Variants in ZNF100 observed in about 807,000 individuals in gnomAD.
The protein encoded by ZNF100 is zinc finger protein 100.
In ZNF100, 12 loss-of-function variants were observed where a neutral mutation model predicts 15.8. The observed-to-expected ratio is 0.76, with a 90% CI of 0.49 to 1.23. The LOEUF is 1.23. ZNF100 is among the 50% of genes most tolerant of loss of function. The probability of loss-of-function intolerance (pLI) is 0.00; values close to 1 mark genes in which losing one functional copy is unlikely to be tolerated. For missense variants in ZNF100, 670 were observed against 635.6 expected, an observed-to-expected ratio of 1.05 and a Z score of -0.58; for synonymous variants, 226 against 214.8, an observed-to-expected ratio of 1.05 and a Z score of -0.45.
chr19:21,731,741 TA>T (rs1194245024), intron 4 of ZNF100, among the ~76,000 whole-genome samples: 19 of 152,044 alleles, frequency 1.2e-4, no homozygotes, highest in Non-Finnish European at 2.6e-4. Flanking sequence ...TTATGCAAAA[TA>T]AAATGAGCTA....
Position 21,726,809 on chromosome 19 carries a change from A to G in ZNF100, c.1503T>C (p.Thr501=). Reference sequence around the variant, plus strand: ...CTCCAGTATGAGTTATCTTATGTTTAGTAAGGGTTGAGGATCGGTTAAAAG... The same window carrying G: ...CTCCAGTATGAGTTATCTTATGTTTGGTAAGGGTTGAGGATCGGTTAAAAG... ...GKAFNRSSTL[T]KHKITHTGEK... is the part of the protein sequence containing the mutation. The change falls in exon 5 of 5, where the codon ACT becomes ACC. Residue 501 remains threonine, a synonymous_variant. Coordinates refer to ENST00000358296, the MANE Select transcript of ZNF100 (RefSeq NM_173531.4). 1.2e-6 allele frequency: 2 copies of G among 1,613,830 alleles called. No homozygotes were observed. Among genetic ancestry groups the G allele is most frequent in the Middle Eastern group, 1.7e-4 (1 of 6,058 alleles).
rs2036186049 is a variant in ZNF100, at chr19:21,744,994, T to C, written c.170A>G (p.Gln57Arg). 1 of 1,612,110 alleles carries C rather than the reference T, an allele frequency of 6.2e-7. No homozygotes were observed. The highest frequency in any genetic ancestry group is 1.7e-5 in the Admixed American group (1 of 59,298). The change falls in exon 3 of 5, where the codon CAG (glutamine) becomes CGG (arginine). Residue 57 changes from glutamine (Q) to arginine (R), a missense_variant. Physicochemically the swap from Gln to Arg is conservative, Grantham distance 43. Coordinates refer to ENST00000358296, the MANE Select transcript of ZNF100 (RefSeq NM_173531.4). ...EEWQCLDSAQQGLYRKVMLEN... is the reference protein window; with the variant it reads ...EEWQCLDSAQRGLYRKVMLEN... ...TAACATCACTTTCCTATACAAACCC[T>C]GCTGAGCACTGTCCAGGCATTGCCA...
At chr19:21,744,853 T>C (rs2036182957) in intron 3 of ZNF100, 88 bp downstream of exon 3, 1 of 1,565,810 alleles carries the variant, frequency 6.4e-7, no homozygotes. Context: ...AACTCATTTA[T>C]GCAAAGCATG....
chr19:21,723,380 AAAAC>A lies in ZNF100; in HGVS notation c.*3299_*3302del, dbSNP rs997481400. 1.3e-4 allele frequency: 19 copies of A among 151,818 alleles called. No individual in the cohort carries two copies. The highest frequency in any genetic ancestry group is 7.8e-4 in the East Asian group (4 of 5,150). 9.4% of individuals were successfully genotyped at this position (151,818 alleles called of 1,614,324 possible). On this transcript the variant is annotated 3_prime_UTR_variant, in exon 5 of 5. Transcript: ENST00000358296. Reference sequence around the variant, plus strand: ...TGTCTCAAAAAAAAAAAAAAAAAAAAAAACAACCAACTTTCTCGTCAAAATTTAC... The same window carrying A: ...TGTCTCAAAAAAAAAAAAAAAAAAAAAACCAACTTTCTCGTCAAAATTTAC...
chr19:21,735,432 G>A (rs1171140123), intron 4 of ZNF100, among the ~76,000 whole-genome samples: 5 of 150,208 alleles, frequency 3.3e-5, no homozygotes, highest in Non-Finnish European at 7.4e-5. Flanking sequence ...AGGCGGAGCT[G>A]GAAGTGAGCC....
intron 4 of ZNF100, among the ~76,000 whole-genome samples, chr19:21,736,972 C>T (rs572224894): frequency 1.3e-5 from 2 of 151,740 alleles, no homozygotes; most frequent in Admixed American, 6.6e-5. Context: ...CCTAACATCA[C>T]AACTAAAAGG....
intron 3 of ZNF100, 148 bp downstream of exon 3, chr19:21,744,793 C>T (rs893055457): frequency 4.0e-6 from 5 of 1,254,508 alleles, no homozygotes; most frequent in Non-Finnish European, 5.5e-6. Context: ...ATCTTGAATA[C>T]ATTCTTTTCC....
rs1468840373 is a variant in ZNF100 at position 21,726,758 on chromosome 19, A to G, written c.1554T>C (p.Cys518=). 1 of 1,613,260 alleles carries G rather than the reference A, an allele frequency of 6.2e-7. No homozygotes were observed. The highest frequency in any genetic ancestry group is 1.1e-5 in the South Asian group (1 of 91,030). The change falls in exon 5 of 5, where the codon TGT becomes TGC. Residue 518 remains cysteine (C), a synonymous_variant. Coordinates refer to ENST00000358296, the MANE Select transcript of ZNF100 (RefSeq NM_173531.4). Reference sequence around the variant, plus strand: ...TTAGGGACTGGTTAAAGTCTTTACCACATTCTTCCCATTTGTAAGATTTCT... The same window carrying G: ...TTAGGGACTGGTTAAAGTCTTTACCGCATTCTTCCCATTTGTAAGATTTCT... The part of the protein sequence containing the change: ...TGEKSYKWEE[C]GKDFNQSLSL...
intron 2 of ZNF100, among the ~76,000 whole-genome samples, chr19:21,763,231 C>A (rs2036508205): frequency 6.6e-6 from 1 of 152,014 alleles, no homozygotes; most frequent in African/African-American, 2.4e-5. Flanking sequence ...ATCCAAGGAC[C>A]CTCTCTTGGG....
chr19:21,735,290 C>T (rs564680399), intron 4 of ZNF100, among the ~76,000 whole-genome samples: 4 of 152,090 alleles, frequency 2.6e-5, no homozygotes, highest in South Asian at 4.2e-4. Context: ...GTCAGGAGAT[C>T]GAGACCATCT....
Position 21,727,359 on chromosome 19 carries a change from T to C in ZNF100, c.953A>G (p.Lys318Arg), listed in dbSNP as rs1304367288. 1.9e-6 allele frequency: 3 copies of C among 1,612,726 alleles called. No individual in the cohort carries two copies. The highest frequency in any genetic ancestry group is 2.5e-6 in the Non-Finnish European group (3 of 1,179,596). The change falls in exon 5 of 5, where the codon AAA becomes AGA. Residue 318 changes from lysine (K) to arginine (R), a missense_variant. By Grantham distance (26) the Lys-to-Arg change is conservative (BLOSUM62 2). Coordinates refer to ENST00000358296, the MANE Select transcript of ZNF100 (RefSeq NM_173531.4). ...AAAAGCTTTGCCACATTCTGTACAT[T>C]TGTAGGGTTTCACTCCAGTATGAAT... is the stretch of plus-strand genomic sequence containing the variant. The part of the protein sequence containing the change: ...KRIHTGVKPY[K>R]CTECGKAFNR...
At chr19:21,745,566 A>G (rs1451458276) in intron 2 of ZNF100, among the ~76,000 whole-genome samples, 4 of 149,862 alleles carry the variant, frequency 2.7e-5, no homozygotes, top group Non-Finnish European at 5.9e-5. Context: ...CCCAGGCCGG[A>G]CTGCGGACTG....
intron 2 of ZNF100, among the ~76,000 whole-genome samples, chr19:21,757,553 G>A (rs1031534796): frequency 2.0e-5 from 3 of 152,198 alleles, no homozygotes; most frequent in African/African-American, 4.8e-5. Context: ...GCAGTGTGGC[G>A]ATTCTTCACA....
At chr19:21,746,413 A>G (rs1188227374) in intron 2 of ZNF100, among the ~76,000 whole-genome samples, 1 of 152,122 alleles carries the variant, frequency 6.6e-6, no homozygotes, top group Non-Finnish European at 1.5e-5. Flanking sequence ...TTAAGTAAGT[A>G]TTTTCTTAAT....
rs532385290 is a variant in ZNF100, at chr19:21,754,684, C to T, written c.97-9617G>A. ...TGGGTTAAACACTTAAATGTTTAAC[C>T]ATAAAAACCCTAAATGAAAACCTAG... On this transcript the variant is annotated intron_variant, in intron 2 of 4. Transcript: ENST00000358296. 3.7e-4 allele frequency among the ~76,000 whole-genome samples: 57 copies of T among 152,148 alleles called. 1 individual carries two copies. The highest frequency in any genetic ancestry group is 1.3e-3 in the African/African-American group (56 of 41,516).
intron 2 of ZNF100, among the ~76,000 whole-genome samples, chr19:21,758,868 C>T (rs1048506770): frequency 7.2e-5 from 11 of 152,232 alleles, no homozygotes; most frequent in Non-Finnish European, 1.6e-4. Flanking sequence ...AATCACACGA[C>T]AATGAAAGGC....
At chr19:21,763,367 T>C (rs2036511214) in intron 2 of ZNF100, among the ~76,000 whole-genome samples, 1 of 151,912 alleles carries the variant, frequency 6.6e-6, no homozygotes. Context: ...GAGACCGAGG[T>C]GGGCAGATCA....
At position 21,735,500 on chromosome 19, in the gene ZNF100, CAA is replaced by C. The variant is rs35742501; in HGVS notation, c.323-7513_323-7512del. On this transcript the variant is annotated intron_variant, in intron 4 of 4. Transcript: ENST00000358296. ...TGGGCGACCGTGTAAGACTCTGTCT[CAA>C]AAAAAAAAAAAAAAAAAAAGGCACA... Among the ~76,000 whole-genome samples, 714 of 82,188 alleles carry C rather than the reference CAA, an allele frequency of 8.7e-3. 9 individuals are homozygous for C. Among genetic ancestry groups the C allele is most frequent in the African/African-American group, 0.025 (544 of 21,526 alleles). The allele number at this position is 82,188 out of a possible 152,430, so 53.9% of individuals were successfully genotyped here.
intron 1 of ZNF100, among the ~76,000 whole-genome samples, chr19:21,766,483 CTTAAACAACTATAAACTG>C (rs1466959249): frequency 6.6e-6 from 1 of 150,996 alleles, no homozygotes; most frequent in African/African-American, 2.4e-5. Flanking sequence ...AAAATGTAGG[CTTAAACAACTATAAACTG>C]TTAATTAACC....
Sources: allele counts gnomAD v4.1 joint callset (sites outside exome capture counted in the v4.1 genomes callset), GRCh38; gene constraint gnomAD v4.1.1; transcripts MANE v1.5; gene names NCBI Gene and HGNC (gene_info 2026-07-23, HGNC 2026-07-21).